Variants in GAB1 observed in about 807,000 individuals in gnomAD.
The protein encoded by GAB1 is GRB2 associated binding protein 1, also known as GRB2-associated-binding protein 1.
Under a neutral mutation model 66.5 loss-of-function variants are expected in GAB1, and 19 were observed. That is an observed-to-expected ratio of 0.29 (90% CI 0.20 to 0.42). The LOEUF (loss-of-function observed/expected upper bound fraction) is 0.42. GAB1 is among the 10% of genes least tolerant of loss of function. The probability of loss-of-function intolerance (pLI) is 1.00; values close to 1 mark genes in which losing one functional copy is unlikely to be tolerated. For missense variants in GAB1, 732 were observed against 858.5 expected (o/e 0.85, Z 1.84); for synonymous variants, 294 against 301.4 (o/e 0.98, Z 0.25).
At position 143,368,807 on chromosome 4, in the gene GAB1, T is replaced by C. The variant is rs552755604; in HGVS notation, c.72+31547T>C. On this transcript the variant is annotated intron_variant, in intron 1 of 9. Transcript: ENST00000262994. ...AGGCCATATAAAGAAATACGAACTC[T>C]TTTTTTTCTTTTTGAGATAGAGGCT... Among the ~76,000 whole-genome samples, 419 of 152,148 alleles carry C rather than the reference T, an allele frequency of 2.8e-3. 3 individuals are homozygous for C. Among genetic ancestry groups the C allele is most frequent in the African/African-American group, 9.7e-3 (401 of 41,516 alleles).
rs1206052926 is a variant in GAB1, at chr4:143,465,972, TA to T, written c.1804-127del. The T allele has an allele frequency of 9.8e-6, 9 of 920,584 alleles. 1 individual carries two copies. The Middle Eastern group carries it at 7.0e-4, about 71-fold the overall frequency. The allele number at this position is 920,584 out of a possible 1,614,324, so 57.0% of individuals were successfully genotyped here. ...AATATTACTTATTTTCTTTCTATCC[TA>T]AAAGGTTGTTTAACTTTTTAAGCTA... On this transcript the variant is annotated intron_variant, in intron 8 of 9. Transcript: ENST00000262994.
At chr4:143,343,035 C>T (rs1728875188) in intron 1 of GAB1, among the ~76,000 whole-genome samples, 1 of 152,048 alleles carries the variant, frequency 6.6e-6, no homozygotes, top group African/African-American at 2.4e-5. Flanking sequence ...GGATGTTTTG[C>T]TATAGTGGAA....
intron 1 of GAB1, among the ~76,000 whole-genome samples, chr4:143,347,425 C>G (rs1219174789): frequency 6.6e-6 from 1 of 152,192 alleles, no homozygotes; most frequent in Non-Finnish European, 1.5e-5. Context: ...TCCTTCTCCA[C>G]CAGTCAAGAA....
At chr4:143,458,697 T>A (rs1422396946) in intron 6 of GAB1, among the ~76,000 whole-genome samples, 5 of 152,084 alleles carry the variant, frequency 3.3e-5, no homozygotes, top group Non-Finnish European at 5.9e-5. Context: ...AAATGAAAAT[T>A]ATTATTAGCA....
In GAB1 at chr4:143,455,889, A is replaced by C. The variant is rs28925931; in HGVS notation, c.1586-3496A>C. 4.8e-3 allele frequency among the ~76,000 whole-genome samples: 737 copies of C among 152,286 alleles called. 4 individuals are homozygous for C. Among genetic ancestry groups the C allele is most frequent in the African/African-American group, 0.017 (700 of 41,558 alleles). On this transcript the variant is annotated intron_variant, in intron 6 of 9. Transcript: ENST00000262994. ...TTCCTAAGATTCTCTATATCCCTAA[A>C]GGTCTGGAAAGGTAAGACAGTGTGG...
intron 6 of GAB1, among the ~76,000 whole-genome samples, chr4:143,443,494 A>G (rs898166631): frequency 6.6e-6 from 1 of 152,246 alleles, no homozygotes; most frequent in Non-Finnish European, 1.5e-5. Flanking sequence ...ATCTCAAAGC[A>G]AAGTTTATCC....
intron 1 of GAB1, among the ~76,000 whole-genome samples, chr4:143,364,288 G>T (rs1484423285): frequency 6.6e-6 from 1 of 151,622 alleles, no homozygotes; most frequent in Non-Finnish European, 1.5e-5. Context: ...CTTCCTACGT[G>T]CATGGGCTTG....
chr4:143,419,742 A>G (rs1023933860), intron 2 of GAB1, among the ~76,000 whole-genome samples: 1 of 152,136 alleles, frequency 6.6e-6, no homozygotes. Context: ...GAGATTTTTC[A>G]CAACTTCATC....
chr4:143,421,389 CACTT>C, intron 2 of GAB1, among the ~76,000 whole-genome samples: 1 of 152,166 alleles, frequency 6.6e-6, no homozygotes, highest in Middle Eastern at 3.4e-3. Context: ...TGAACATAAA[CACTT>C]AGTTCTTTTG....
At chr4:143,393,756 A>G (rs1297637334) in intron 1 of GAB1, among the ~76,000 whole-genome samples, 5 of 152,174 alleles carry the variant, frequency 3.3e-5, no homozygotes, top group South Asian at 4.1e-4. Context: ...CCAAAAAAGA[A>G]AAGAGAGGCC....
intron 1 of GAB1, among the ~76,000 whole-genome samples, chr4:143,354,830 C>T (rs537149675): frequency 6.6e-6 from 1 of 152,204 alleles, no homozygotes; most frequent in Admixed American, 6.5e-5. Flanking sequence ...CTAAAAAATA[C>T]TCTTTTATAG....
chr4:143,349,969 A>G, intron 1 of GAB1: 1 of 1,587,276 alleles, frequency 6.3e-7, no homozygotes, highest in Admixed American at 1.7e-5. Flanking sequence ...CAACTTGGTG[A>G]CGGGCATCCA....
chr4:143,379,615 A>G (rs992815951), intron 1 of GAB1, among the ~76,000 whole-genome samples: 8 of 152,094 alleles, frequency 5.3e-5, no homozygotes, highest in Non-Finnish European at 1.0e-4. Flanking sequence ...TGATTGAGAC[A>G]GGATCTTGCT....
intron 1 of GAB1, among the ~76,000 whole-genome samples, chr4:143,399,426 T>C (rs898451348): frequency 2.0e-5 from 3 of 152,246 alleles, no homozygotes; most frequent in African/African-American, 7.2e-5. Flanking sequence ...AGTGACTGAT[T>C]TGCAGTTCAA....
intron 2 of GAB1, chr4:143,424,884 G>A: frequency 4.2e-6 from 2 of 481,846 alleles, no homozygotes; most frequent in Non-Finnish European, 7.5e-6. Context: ...GAACCAGGGA[G>A]TTGGAGGTTG....
intron 1 of GAB1, among the ~76,000 whole-genome samples, chr4:143,410,094 A>C (rs1732293522): frequency 6.6e-6 from 1 of 150,800 alleles, no homozygotes; most frequent in Admixed American, 6.6e-5. Context: ...TCTAATGTGC[A>C]TTCAGGGCAG....
At position 143,471,102 on chromosome 4, in the gene GAB1, G is replaced by C. The variant is rs1736059034; in HGVS notation, c.*1913G>C. Reference sequence around the variant, plus strand: ...AAGATGCTAAATTCTGTTACTTGGAGGATGAATATATTTAAGATTTAAAAC... The same window carrying C: ...AAGATGCTAAATTCTGTTACTTGGACGATGAATATATTTAAGATTTAAAAC... On this transcript the variant is annotated 3_prime_UTR_variant, in exon 10 of 10. Transcript: ENST00000262994. 6.6e-6 allele frequency: 1 copy of C among 152,110 alleles called. No homozygotes were observed. Among genetic ancestry groups the C allele is most frequent in the African/African-American group, 2.4e-5 (1 of 41,444 alleles). 9.4% of individuals were successfully genotyped at this position (152,110 alleles called of 1,614,324 possible).
chr4:143,460,282 ACTGT>A, intron 7 of GAB1, 78 bp from the exon 8 acceptor site: 4 of 1,296,968 alleles, frequency 3.1e-6, no homozygotes, highest in Non-Finnish European at 4.5e-6. Flanking sequence ...AAGAATGCAG[ACTGT>A]CTCTCATTTT....
At chr4:143,425,814 C>A in intron 2 of GAB1, 1 of 874,910 alleles carries the variant, frequency 1.1e-6, no homozygotes, top group Non-Finnish European at 1.9e-6. Context: ...GCCTTCTGTG[C>A]CTCTTCAGCA....
Sources: allele counts gnomAD v4.1 joint callset (sites outside exome capture counted in the v4.1 genomes callset), GRCh38; gene constraint gnomAD v4.1.1; transcripts MANE v1.5; gene names NCBI Gene and HGNC (gene_info 2026-07-23, HGNC 2026-07-21).